Variants in ANK3 observed in about 807,000 individuals in gnomAD.
The protein encoded by ANK3 is ankyrin-3.
In ANK3, 57 loss-of-function variants were observed where a neutral mutation model predicts 370.9. The ratio of observed to expected loss-of-function variants is 0.15; its 90% CI spans 0.12 to 0.19. The LOEUF (loss-of-function observed/expected upper bound fraction) is 0.19, where lower values mean the gene tolerates loss of function less well. Ranked by LOEUF, ANK3 falls within the 10% of genes least tolerant of loss-of-function variation. The pLI is 1.00. For missense variants in ANK3, 4,439 were observed against 5,302.1 expected (o/e 0.84, Z 5.06); for synonymous variants, 1,929 against 1,946.3 (o/e 0.99, Z 0.23).
At chr10:60,233,952 T>C (rs2097289773) in intron 8 of ANK3, among the ~76,000 whole-genome samples, 1 of 152,194 alleles carries the variant, frequency 6.6e-6, no homozygotes, top group African/African-American at 2.4e-5. Flanking sequence ...TCTGTTTCCA[T>C]GATTTTCACT....
At chr10:60,162,951 G>T (rs924503429) in intron 23 of ANK3, among the ~76,000 whole-genome samples, 1 of 151,950 alleles carries the variant, frequency 6.6e-6, no homozygotes, top group African/African-American at 2.4e-5. Flanking sequence ...ATACCCCCCT[G>T]CCCCAATTTA....
At chr10:60,409,353 G>A (rs2063514412) in intron 2 of ANK3, among the ~76,000 whole-genome samples, 1 of 152,120 alleles carries the variant, frequency 6.6e-6, no homozygotes, top group African/African-American at 2.4e-5. Flanking sequence ...ATTCTGAAAT[G>A]AAGAAGTTAT....
rs1246951008 is a variant in ANK3 at position 60,231,342 on chromosome 10, A to G, written c.897+3346T>C. On this transcript the variant is annotated intron_variant, in intron 8 of 43. Coordinates refer to ENST00000280772, the MANE Select transcript of ANK3 (RefSeq NM_020987.5). ...GAGCACCCAGGCAGGGCACAGAGCA[A>G]TAGGAACAAGGTCCCTTACAGTGCT... Among the ~76,000 whole-genome samples, 6 of 152,208 alleles carry G rather than the reference A, an allele frequency of 3.9e-5. No individual in the cohort carries two copies. In the East Asian group the frequency reaches 1.2e-3, roughly 29 times the overall value.
At chr10:60,436,942 TTA>T (rs1362286664) in intron 2 of ANK3, among the ~76,000 whole-genome samples, 1 of 152,196 alleles carries the variant, frequency 6.6e-6, no homozygotes, top group African/African-American at 2.4e-5. Context: ...AGAGAATCAG[TTA>T]TCACATGGGG....
chr10:60,690,896 A>G (rs1308926936), intron 1 of ANK3, among the ~76,000 whole-genome samples: 3 of 152,192 alleles, frequency 2.0e-5, no homozygotes, highest in African/African-American at 7.2e-5. Context: ...AGGCATTGCG[A>G]ATTCTAATTT....
At chr10:60,373,623 A>G (rs1435902643) in intron 1 of ANK3, among the ~76,000 whole-genome samples, 15 of 152,198 alleles carry the variant, frequency 9.9e-5, no homozygotes, top group Non-Finnish European at 1.5e-4. Flanking sequence ...GGACTCCTAG[A>G]GGAAAAAAAG....
chr10:60,489,160 T>A (rs118076993), intron 2 of ANK3, among the ~76,000 whole-genome samples: 9 of 152,148 alleles, frequency 5.9e-5, no homozygotes, highest in Admixed American at 2.0e-4. Flanking sequence ...ACATGAATAA[T>A]AGTACTTCAA....
At chr10:60,137,431 A>G in intron 24 of ANK3, 1 of 318,914 alleles carries the variant, frequency 3.1e-6, no homozygotes, top group South Asian at 2.7e-5. Flanking sequence ...GGGAAAAAAG[A>G]AAAAAAATGT....
chr10:60,260,499 T>G (rs996338334), intron 7 of ANK3, among the ~76,000 whole-genome samples: 2 of 152,214 alleles, frequency 1.3e-5, no homozygotes, highest in African/African-American at 4.8e-5. Flanking sequence ...CTTCAAATGC[T>G]ACGTTCAAAA....
At chr10:60,337,703 C>T (rs889468263) in intron 1 of ANK3, among the ~76,000 whole-genome samples, 1 of 152,078 alleles carries the variant, frequency 6.6e-6, no homozygotes, top group Non-Finnish European at 1.5e-5. Flanking sequence ...CATTAAGCCC[C>T]CTAATATATG....
intron 43 of ANK3, among the ~76,000 whole-genome samples, chr10:60,036,697 A>C (rs929808591): frequency 1.3e-5 from 2 of 151,864 alleles, no homozygotes; most frequent in African/African-American, 2.4e-5. Flanking sequence ...CGGCCTCCTA[A>C]AGTGCTGGGA....
At chr10:60,117,523 A>G (rs1001020346) in intron 25 of ANK3, among the ~76,000 whole-genome samples, 4 of 152,214 alleles carry the variant, frequency 2.6e-5, no homozygotes, top group Non-Finnish European at 5.9e-5. Context: ...TGTGCTGGAA[A>G]GAAAAAGCAA....
At chr10:60,444,206 C>A (rs955582636) in intron 2 of ANK3, among the ~76,000 whole-genome samples, 1 of 151,852 alleles carries the variant, frequency 6.6e-6, no homozygotes, top group African/African-American at 2.4e-5. Context: ...AAAATTCTGG[C>A]AACTGATTAT....
chr10:60,116,875 T>C (rs946501800), intron 25 of ANK3, among the ~76,000 whole-genome samples: 5 of 152,180 alleles, frequency 3.3e-5, no homozygotes, highest in Admixed American at 3.3e-4. Flanking sequence ...AATGACCCAG[T>C]GAGTGACCAA....
At chr10:60,662,671 AG>A (rs1006738593) in intron 1 of ANK3, among the ~76,000 whole-genome samples, 4 of 152,216 alleles carry the variant, frequency 2.6e-5, no homozygotes, top group Admixed American at 6.5e-5. Context: ...ATCAATCCCT[AG>A]CAAATGTTTA....
intron 1 of ANK3, among the ~76,000 whole-genome samples, chr10:60,672,232 T>C (rs2079071842): frequency 6.6e-6 from 1 of 152,198 alleles, no homozygotes; most frequent in African/African-American, 2.4e-5. Flanking sequence ...ATTGGGTCTT[T>C]GACCCCAATT....
intron 1 of ANK3, 81 bp from the exon 2 acceptor site, chr10:60,279,720 C>A: frequency 9.7e-7 from 1 of 1,029,842 alleles, no homozygotes; most frequent in Admixed American, 2.4e-5. Flanking sequence ...AAGGTCCAAA[C>A]TAAAATAATT....
intron 2 of ANK3, among the ~76,000 whole-genome samples, chr10:60,454,894 A>G (rs975791972): frequency 1.3e-5 from 2 of 152,170 alleles, no homozygotes; most frequent in Non-Finnish European, 2.9e-5. Context: ...TTATCACTCA[A>G]ATTGAGCAGG....
intron 1 of ANK3, among the ~76,000 whole-genome samples, chr10:60,307,476 G>A (rs965742253): frequency 2.0e-5 from 3 of 151,992 alleles, no homozygotes; most frequent in East Asian, 1.9e-4. Context: ...GGGAATACAG[G>A]TGTGTGCCAC....
Sources: gnomAD v4.1 joint callset for allele counts (sites outside exome capture counted in the v4.1 genomes callset) on GRCh38, gnomAD v4.1.1 for gene constraint, MANE v1.5 for transcripts, NCBI Gene and HGNC (gene_info 2026-07-23, HGNC 2026-07-21) for gene names.